RBFOX1: variants seen among roughly 807,000 people sequenced by gnomAD.
RBFOX1 encodes RNA binding protein fox-1 homolog 1.
A neutral mutation model predicts 57.7 loss-of-function variants in RBFOX1; 8 were observed. The ratio of observed to expected loss-of-function variants is 0.14; its 90% CI spans 0.08 to 0.25. RBFOX1 has a LOEUF of 0.25. Among genes scored for constraint, RBFOX1 ranks in the 10% least tolerant of loss-of-function variants. The probability of loss-of-function intolerance (pLI) is 1.00; values close to 1 mark genes in which losing one functional copy is unlikely to be tolerated. For missense variants in RBFOX1, 611 were observed against 548.5 expected (o/e 1.11, Z -1.14); for synonymous variants, 326 against 222.4 (o/e 1.47, Z -4.15).
intron 4 of RBFOX1, among the ~76,000 whole-genome samples, chr16:7,388,077 G>A (rs1016431119): frequency 6.6e-6 from 1 of 151,144 alleles, no homozygotes; most frequent in Non-Finnish European, 1.5e-5. Flanking sequence ...CCAAAAAATT[G>A]TTTCTTTTGC....
intron 2 of RBFOX1, among the ~76,000 whole-genome samples, chr16:6,595,199 A>G (rs1265014158): frequency 1.3e-5 from 2 of 151,976 alleles, no homozygotes; most frequent in Non-Finnish European, 2.9e-5. Flanking sequence ...CCCCATTAGT[A>G]CTCACACCCT....
At chr16:7,612,881 C>T (rs1346287898) in intron 10 of RBFOX1, among the ~76,000 whole-genome samples, 1 of 152,144 alleles carries the variant, frequency 6.6e-6, no homozygotes, top group Non-Finnish European at 1.5e-5. Flanking sequence ...AATATTCCAT[C>T]AGCGGGACTA....
chr16:6,601,024 A>G (rs1347636606), intron 2 of RBFOX1, among the ~76,000 whole-genome samples: 3 of 152,190 alleles, frequency 2.0e-5, no homozygotes, highest in Non-Finnish European at 4.4e-5. Flanking sequence ...CATAGAAGGT[A>G]GAGGAATGAA....
Position 7,700,088 on chromosome 16 carries a change from C to G in RBFOX1, c.996-8968C>G, listed in dbSNP as rs114225260. Among the ~76,000 whole-genome samples, 425 of 152,210 alleles carry G rather than the reference C, an allele frequency of 2.8e-3. 2 individuals carry two copies. Among genetic ancestry groups the G allele is most frequent in the African/African-American group, 9.3e-3 (387 of 41,530 alleles). The stretch of plus-strand genomic sequence containing the variant: ...CTCAACCTGCTTGTTTTGTCTTAAT[C>G]TTTGATCTGCTTGCTTTGAGGATGG... On this transcript the variant is annotated intron_variant, in intron 14 of 15. Coordinates refer to ENST00000550418, the MANE Select transcript of RBFOX1 (RefSeq NM_018723.4).
intron 4 of RBFOX1, among the ~76,000 whole-genome samples, chr16:7,456,485 C>T (rs1045499035): frequency 6.6e-6 from 1 of 152,218 alleles, no homozygotes; most frequent in African/African-American, 2.4e-5. Flanking sequence ...TCTCCAACTC[C>T]CAGCATTGTT....
chr16:6,801,083 G>A (rs987970336), intron 3 of RBFOX1, among the ~76,000 whole-genome samples: 14 of 151,940 alleles, frequency 9.2e-5, no homozygotes, highest in African/African-American at 3.4e-4. Flanking sequence ...TGTTAAAAGT[G>A]CGGATTGCCA....
At chr16:5,682,470 C>G (rs574719984) in intron 3 of RBFOX1, among the ~76,000 whole-genome samples, 24 of 152,202 alleles carry the variant, frequency 1.6e-4, no homozygotes, top group African/African-American at 5.8e-4. Context: ...ACAATCGGTC[C>G]GTCTAGGTTT....
intron 3 of RBFOX1, among the ~76,000 whole-genome samples, chr16:6,819,646 A>C (rs11862461): frequency 0.23 from 33,991 of 146,552 alleles, 4,603 homozygotes; most frequent in Middle Eastern, 0.31. Context: ...CGGAGGTTGC[A>C]GTGAGCCAGG....
chr16:6,546,125 C>T (rs920080458), intron 2 of RBFOX1, among the ~76,000 whole-genome samples: 3 of 152,166 alleles, frequency 2.0e-5, no homozygotes, highest in African/African-American at 7.2e-5. Flanking sequence ...AGGCTACATT[C>T]AAAGGCATCT....
chr16:6,677,985 T>C (rs1043250063), intron 3 of RBFOX1, among the ~76,000 whole-genome samples: 3 of 152,228 alleles, frequency 2.0e-5, no homozygotes, highest in Non-Finnish European at 4.4e-5. Context: ...GTCAAACATA[T>C]ATGTAATGTT....
intron 2 of RBFOX1, among the ~76,000 whole-genome samples, chr16:6,616,322 G>C (rs1051797935): frequency 6.6e-6 from 1 of 151,614 alleles, no homozygotes; most frequent in African/African-American, 2.4e-5. Context: ...ATAATCTGTA[G>C]AGAAATCCAC....
At chr16:7,489,105 T>C (rs1322485828) in intron 4 of RBFOX1, among the ~76,000 whole-genome samples, 3 of 152,232 alleles carry the variant, frequency 2.0e-5, no homozygotes, top group Non-Finnish European at 4.4e-5. Context: ...TTTGTCTTCA[T>C]TTTTCTCATT....
At chr16:5,276,826 G>A (rs1390659492) in intron 1 of RBFOX1, among the ~76,000 whole-genome samples, 1 of 152,120 alleles carries the variant, frequency 6.6e-6, no homozygotes, top group Non-Finnish European at 1.5e-5. Flanking sequence ...GAAAGAGAAC[G>A]CTTTTACACT....
intron 1 of RBFOX1, among the ~76,000 whole-genome samples, chr16:6,218,731 T>C (rs2097352274): frequency 6.6e-6 from 1 of 152,162 alleles, no homozygotes. Flanking sequence ...TTAAATAATA[T>C]AATCCCTGGG....
At chr16:6,105,521 G>C (rs1682224839) in intron 1 of RBFOX1, among the ~76,000 whole-genome samples, 1 of 152,060 alleles carries the variant, frequency 6.6e-6, no homozygotes, top group African/African-American at 2.4e-5. Flanking sequence ...GCAAAGCAAA[G>C]ACAATCCCAA....
intron 3 of RBFOX1, among the ~76,000 whole-genome samples, chr16:6,861,823 G>GTTTTTTTTTTTTTTTTTTTTT (rs35138717): frequency 4.4e-4 from 41 of 92,450 alleles, no homozygotes; most frequent in African/African-American, 8.6e-4. Flanking sequence ...GCGTCCCTTG[G>GTTTTTTTTTTTTTTTTTTTTT]TTTTTTTTTT....
At chr16:6,191,124 C>A (rs2097138988) in intron 1 of RBFOX1, among the ~76,000 whole-genome samples, 1 of 93,454 alleles carries the variant, frequency 1.1e-5, no homozygotes, top group Non-Finnish European at 2.0e-5. Context: ...AATAATGCGT[C>A]TGTGGTTTTT....
chr16:6,947,593 C>G (rs942006508), intron 3 of RBFOX1, among the ~76,000 whole-genome samples: 2 of 152,172 alleles, frequency 1.3e-5, no homozygotes, highest in Admixed American at 1.3e-4. Context: ...CTTGCTGCCT[C>G]CTGCCTTGCG....
chr16:6,544,149 A>G (rs1269920794), intron 2 of RBFOX1, among the ~76,000 whole-genome samples: 7 of 152,156 alleles, frequency 4.6e-5, no homozygotes, highest in African/African-American at 1.4e-4. Flanking sequence ...GATTGAACCG[A>G]GTAACTTCCA....
Sources: allele counts gnomAD v4.1 joint callset (sites outside exome capture counted in the v4.1 genomes callset), GRCh38; gene constraint gnomAD v4.1.1; transcripts MANE v1.5; gene names NCBI Gene and HGNC (gene_info 2026-07-23, HGNC 2026-07-21).